Variants in STK11 observed in about 807,000 individuals in gnomAD.
STK11 encodes the protein serine/threonine-protein kinase STK11.
Under a neutral mutation model 47.3 loss-of-function variants are expected in STK11, and 8 were observed. That is an observed-to-expected ratio of 0.17 (90% CI 0.10 to 0.31). The LOEUF is 0.31. STK11 is among the 10% of genes least tolerant of loss of function. The probability of loss-of-function intolerance (pLI) is 1.00; values close to 1 mark genes in which losing one functional copy is unlikely to be tolerated. For missense variants in STK11, 475 were observed against 605.0 expected (o/e 0.79, Z 2.25); for synonymous variants, 330 against 255.8 (o/e 1.29, Z -2.77).
chr19:1,227,740 G>A lies in STK11; in HGVS notation c.*164G>A, dbSNP rs555680374. ...AGCGCCCTGCAGGGCCGGGCAGGGG[G>A]ACAGCAGGGACCGGGCGCAGCCCTC... On this transcript the variant is annotated 3_prime_UTR_variant, in exon 10 of 10. Transcript: ENST00000326873. The A allele has an allele frequency of 9.8e-5, 105 of 1,072,624 alleles. 1 individual carries two copies. In the South Asian group the frequency reaches 4.2e-3, roughly 43 times the overall value. 66.4% of individuals were successfully genotyped at this position (1,072,624 alleles called of 1,614,324 possible).
chr19:1,212,990 CTTTTTT>C (rs35169539), intron 1 of STK11, among the ~76,000 whole-genome samples: 5 of 94,752 alleles, frequency 5.3e-5, no homozygotes, highest in Admixed American at 2.5e-4. Flanking sequence ...TAAAGTTCAC[CTTTTTT>C]TTTTTTTTTT....
At chr19:1,220,752 G>A (rs1254914066) in intron 5 of STK11, 35 bp downstream of exon 5, 4 of 1,588,090 alleles carry the variant, frequency 2.5e-6, no homozygotes, top group South Asian at 2.3e-5. Flanking sequence ...CTCACCACAC[G>A]CACACTCCGA....
chr19:1,223,275 T>C (rs2080799088), intron 8 of STK11, 103 bp downstream of exon 8: 2 of 1,360,842 alleles, frequency 1.5e-6, no homozygotes, highest in Non-Finnish European at 2.0e-6. Flanking sequence ...TTCTGCCCTC[T>C]GGTGGCCAAT....
At chr19:1,227,388 A>T in intron 9 of STK11, 1 of 357,936 alleles carries the variant, frequency 2.8e-6, no homozygotes, top group Non-Finnish European at 4.2e-6. Flanking sequence ...CACCAGCGTC[A>T]GAGCCCGCCA....
intron 9 of STK11, 98 bp downstream of exon 9, chr19:1,226,761 GTCACGTGGCT>G (rs1326033008): frequency 7.4e-6 from 10 of 1,356,374 alleles, no homozygotes; most frequent in Non-Finnish European, 7.7e-6. Flanking sequence ...CATGGTGACC[GTCACGTGGCT>G]GCGCGTGGTT....
rs903142806 is a variant in STK11, at chr19:1,228,059, CTTTTTTTT to C, written c.*487_*494del. The C allele has an allele frequency of 6.5e-5, 54 of 836,016 alleles. No individual in the cohort carries two copies. Among genetic ancestry groups the C allele is most frequent in the African/African-American group, 1.5e-4 (8 of 54,244 alleles). The allele number at this position is 836,016 out of a possible 1,614,324, so 51.8% of individuals were successfully genotyped here. The stretch of plus-strand genomic sequence containing the variant: ...TTGGTTGGTTCCATTTTCTTTTTTT[CTTTTTTTT>C]TTTAAGAAAAAATAAAAGGTGGATT... On this transcript the variant is annotated 3_prime_UTR_variant, in exon 10 of 10. Transcript: ENST00000326873.
intron 7 of STK11, among the ~76,000 whole-genome samples, chr19:1,222,223 G>A (rs1200703204): frequency 6.6e-6 from 1 of 152,234 alleles, no homozygotes; most frequent in African/African-American, 2.4e-5. Context: ...ACTGGGGTCT[G>A]AGTGAGGACA....
chr19:1,226,853 T>C (rs2145437310), intron 9 of STK11, 190 bp downstream of exon 9: 1 of 675,236 alleles, frequency 1.5e-6, no homozygotes, highest in African/African-American at 1.9e-5. Flanking sequence ...GCCTGGTGTC[T>C]GGCCAGCGTG....
chr19:1,211,421 G>C (rs895949014), intron 1 of STK11, among the ~76,000 whole-genome samples: 1 of 151,902 alleles, frequency 6.6e-6, no homozygotes, highest in African/African-American at 2.4e-5. Flanking sequence ...TCGGGGGACA[G>C]CACGGCTAGC....
At chr19:1,213,783 C>T (rs1355875427) in intron 1 of STK11, among the ~76,000 whole-genome samples, 1 of 152,226 alleles carries the variant, frequency 6.6e-6, no homozygotes, top group East Asian at 1.9e-4. Flanking sequence ...GTTTCAGCCA[C>T]ATCAGGAGGG....
At chr19:1,223,618 C>T (rs905179089) in intron 8 of STK11, 36 of 1,067,384 alleles carry the variant, frequency 3.4e-5, no homozygotes, top group South Asian at 1.2e-4. Flanking sequence ...GCCCTGATGC[C>T]GGCCGCCCTT....
intron 1 of STK11, among the ~76,000 whole-genome samples, chr19:1,215,283 T>C (rs2080737884): frequency 6.6e-6 from 1 of 152,210 alleles, no homozygotes; most frequent in Non-Finnish European, 1.5e-5. Flanking sequence ...TGCTGGGAAT[T>C]GGTGCCACCA....
At chr19:1,226,111 G>C in intron 8 of STK11, 1 of 1,134,414 alleles carries the variant, frequency 8.8e-7, no homozygotes, top group Non-Finnish European at 1.1e-6. Flanking sequence ...GGGTGCCCCA[G>C]GGGAGCACGG....
intron 1 of STK11, among the ~76,000 whole-genome samples, chr19:1,214,943 G>C (rs1226851865): frequency 1.3e-5 from 2 of 152,212 alleles, no homozygotes; most frequent in Non-Finnish European, 2.9e-5. Context: ...GGCCTCTGCT[G>C]TCTGAAAACA....
intron 1 of STK11, among the ~76,000 whole-genome samples, chr19:1,212,273 C>CTTTT (rs775284754): frequency 4.5e-5 from 4 of 89,838 alleles, no homozygotes; most frequent in East Asian, 4.1e-4. Flanking sequence ...TTCTTAACAC[C>CTTTT]TTTTTTTTTT....
intron 8 of STK11, chr19:1,224,589 C>T: frequency 2.0e-6 from 2 of 985,622 alleles, no homozygotes; most frequent in Non-Finnish European, 2.4e-6. Flanking sequence ...ACGCTGACCC[C>T]CACGGCCGCC....
Position 1,206,803 on chromosome 19 carries a change from TTTTTC to T in STK11, c.-106_-102del. 7.3e-7 allele frequency: 1 copy of T among 1,360,908 alleles called. No individual in the cohort carries two copies. The highest frequency in any genetic ancestry group is 1.5e-5 in the African/African-American group (1 of 68,106). 84.3% of individuals were successfully genotyped at this position (1,360,908 alleles called of 1,614,324 possible). A position where few individuals can be genotyped will look rare whatever the true frequency, so the allele number is the denominator to read the frequency against. ...CTTTTGGGGTTTTTGTTGCCTTTTTTTTTTCTTTTTTCTTTGTAAAATTTTGGAGA... is the reference window on the plus strand; with the variant it reads ...CTTTTGGGGTTTTTGTTGCCTTTTTTTTTTTTCTTTGTAAAATTTTGGAGA... On this transcript the variant is annotated 5_prime_UTR_variant, in exon 1 of 10. Coordinates refer to ENST00000326873, the MANE Select transcript of STK11 (RefSeq NM_000455.5).
intron 3 of STK11, 38 bp from the exon 4 acceptor site, chr19:1,220,335 G>T: frequency 1.9e-6 from 3 of 1,581,232 alleles, no homozygotes; most frequent in Non-Finnish European, 2.6e-6. Context: ...GAGGGGCAGG[G>T]AGGCCTCGGC....
Position 1,228,059 on chromosome 19 carries a change from CTTTTTT to C in STK11, c.*489_*494del, listed in dbSNP as rs903142806. The C allele has an allele frequency of 3.6e-6, 3 of 835,854 alleles. No individual in the cohort carries two copies. Among genetic ancestry groups the C allele is most frequent in the Non-Finnish European group, 4.4e-6 (3 of 682,420 alleles). 51.8% of individuals were successfully genotyped at this position (835,854 alleles called of 1,614,324 possible). A position where few individuals can be genotyped will look rare whatever the true frequency, so the allele number is the denominator to read the frequency against. ...TTGGTTGGTTCCATTTTCTTTTTTT[CTTTTTT>C]TTTTTAAGAAAAAATAAAAGGTGGA... is the stretch of plus-strand genomic sequence containing the variant. On this transcript the variant is annotated 3_prime_UTR_variant, in exon 10 of 10. Coordinates refer to ENST00000326873, the MANE Select transcript of STK11 (RefSeq NM_000455.5).
Sources: gnomAD v4.1 joint callset for allele counts (sites outside exome capture counted in the v4.1 genomes callset) on GRCh38, gnomAD v4.1.1 for gene constraint, MANE v1.5 for transcripts, NCBI Gene and HGNC (gene_info 2026-07-23, HGNC 2026-07-21) for gene names.